The following RAP1GAP2 variants were observed in gnomAD, a reference collection of about 807,000 sequenced individuals.
RAP1GAP2 encodes the protein RAP1 GTPase activating protein 2, also known as rap1 GTPase-activating protein 2.
A neutral mutation model predicts 95.0 loss-of-function variants in RAP1GAP2; 27 were observed. The observed-to-expected ratio is 0.28, with a 90% CI of 0.21 to 0.39. The LOEUF (loss-of-function observed/expected upper bound fraction) is 0.39, where lower values mean the gene tolerates loss of function less well. Among genes scored for constraint, RAP1GAP2 ranks in the 10% least tolerant of loss-of-function variants. The probability of loss-of-function intolerance (pLI) is 1.00; values close to 1 mark genes in which losing one functional copy is unlikely to be tolerated. For synonymous variants in RAP1GAP2, 373 were observed against 380.9 expected, an observed-to-expected ratio of 0.98 and a Z score of 0.24; for missense variants, 771 against 970.0, an observed-to-expected ratio of 0.79 and a Z score of 2.72.
At position 3,034,255 on chromosome 17, in the gene RAP1GAP2, A is replaced by C. The variant is rs1413698822; in HGVS notation, c.*894A>C. Reference sequence around the variant, plus strand: ...CAGGAGTGAGAAGGAATTCAGGGAGAGCAAAGGAGCCAGTGCTGAGATGCT... The same window carrying C: ...CAGGAGTGAGAAGGAATTCAGGGAGCGCAAAGGAGCCAGTGCTGAGATGCT... On this transcript the variant is annotated 3_prime_UTR_variant, in exon 25 of 25. Coordinates refer to ENST00000254695, the MANE Select transcript of RAP1GAP2 (RefSeq NM_015085.5). The surrounding 1 kb of genome is among the most constrained non-coding windows in gnomAD (Gnocchi z 5.1). 1 of 159,348 alleles carries C rather than the reference A, an allele frequency of 6.3e-6. No homozygotes were observed. Among genetic ancestry groups the C allele is most frequent in the African/African-American group, 2.4e-5 (1 of 41,552 alleles). 9.9% of individuals were successfully genotyped at this position (159,348 alleles called of 1,614,324 possible).
intron 19 of RAP1GAP2, among the ~76,000 whole-genome samples, chr17:3,024,168 A>T (rs1049246889): frequency 6.6e-6 from 1 of 152,120 alleles, no homozygotes; most frequent in Non-Finnish European, 1.5e-5. Context: ...GGTGAAGCTG[A>T]CTGGGAAGGA....
At chr17:2,803,298 A>G (rs2069377303) in intron 2 of RAP1GAP2, among the ~76,000 whole-genome samples, 1 of 152,082 alleles carries the variant, frequency 6.6e-6, no homozygotes, top group Non-Finnish European at 1.5e-5. Context: ...TCGGAGTTTT[A>G]TTGGTTAAGA....
chr17:2,817,504 G>A (rs2070071329), intron 2 of RAP1GAP2, among the ~76,000 whole-genome samples: 1 of 118,794 alleles, frequency 8.4e-6, no homozygotes, highest in South Asian at 2.6e-4. Context: ...ATTGCTGATC[G>A]TATGGCAATT....
At chr17:2,788,796 T>C (rs1016227113) in intron 1 of RAP1GAP2, among the ~76,000 whole-genome samples, 2 of 152,132 alleles carry the variant, frequency 1.3e-5, no homozygotes, top group Admixed American at 6.5e-5. Flanking sequence ...TTCCTCCACA[T>C]TTTTCGTCTA....
intron 1 of RAP1GAP2, among the ~76,000 whole-genome samples, chr17:2,777,891 C>T (rs752717740): frequency 2.6e-5 from 4 of 152,004 alleles, no homozygotes; most frequent in Non-Finnish European, 5.9e-5. Context: ...GGCGCTTTGC[C>T]CTCCCCCTTC....
chr17:2,820,381 C>G (rs767278203), intron 2 of RAP1GAP2, among the ~76,000 whole-genome samples: 5 of 152,040 alleles, frequency 3.3e-5, no homozygotes, highest in East Asian at 3.9e-4. Context: ...AGCACTTTGG[C>G]AGGCCAAGGT....
rs2046214703 is a variant in RAP1GAP2 at position 3,003,014 on chromosome 17, C to T, written c.1201-2355C>T. The stretch of plus-strand genomic sequence containing the variant: ...AGGCCACTGGGCGACAGTGGTTACC[C>T]CTTACCAGCTGCTTGCTCATGCCAG... On this transcript the variant is annotated intron_variant, in intron 14 of 24. Transcript: ENST00000254695. The surrounding 1 kb of genome is among the most constrained non-coding windows in gnomAD (Gnocchi z 4.1). Among the ~76,000 whole-genome samples, 1 of 152,148 alleles carries T rather than the reference C, an allele frequency of 6.6e-6. No homozygotes were observed. The highest frequency in any genetic ancestry group is 2.1e-4 in the South Asian group (1 of 4,836).
At chr17:2,814,051 G>C (rs79794338) in intron 2 of RAP1GAP2, among the ~76,000 whole-genome samples, 1 of 152,120 alleles carries the variant, frequency 6.6e-6, no homozygotes, top group Non-Finnish European at 1.5e-5. Flanking sequence ...CCCCGACTCC[G>C]TTGAAAACTA....
chr17:3,031,833 G>T (rs1199282244), intron 23 of RAP1GAP2, among the ~76,000 whole-genome samples: 4 of 146,672 alleles, frequency 2.7e-5, no homozygotes, highest in Non-Finnish European at 5.9e-5. Flanking sequence ...GTCCCTTCCT[G>T]AGCTCTCCAG....
At chr17:2,773,152 A>G (rs2068431184), upstream of RAP1GAP2, among the ~76,000 whole-genome samples, 3 of 152,164 alleles carry the variant, frequency 2.0e-5, no homozygotes, top group Admixed American at 1.3e-4. Context: ...TACAAAGAGC[A>G]AGAAGGTGGT....
At chr17:2,814,154 C>T (rs900084958) in intron 2 of RAP1GAP2, among the ~76,000 whole-genome samples, 26 of 152,258 alleles carry the variant, frequency 1.7e-4, no homozygotes, top group Admixed American at 1.7e-3. Flanking sequence ...CCCCAGCTTA[C>T]TGATTGATTT....
At chr17:2,768,167 A>G (rs1223824939) in intron 1 of RAP1GAP2, among the ~76,000 whole-genome samples, 1 of 152,218 alleles carries the variant, frequency 6.6e-6, no homozygotes, top group Non-Finnish European at 1.5e-5. Flanking sequence ...ATCCCTAGGT[A>G]AATTCCCCAA....
rs1034596630 is a variant in RAP1GAP2, at chr17:3,008,552, G to T, written c.1494+407G>T. 6.6e-6 allele frequency among the ~76,000 whole-genome samples: 1 copy of T among 152,212 alleles called. No individual in the cohort carries two copies. Among genetic ancestry groups the T allele is most frequent in the Admixed American group, 6.5e-5 (1 of 15,284 alleles). On this transcript the variant is annotated intron_variant, in intron 17 of 24. Coordinates refer to ENST00000254695, the MANE Select transcript of RAP1GAP2 (RefSeq NM_015085.5). This position sits in a 1 kb window ranked among gnomAD's most constrained non-coding sequence, Gnocchi z 4.2. ...ACAGCCCTTACGGGTCTTCGTAGCT[G>T]CTGTGGGTGCCACAGTGATTCTTCC... is the stretch of plus-strand genomic sequence containing the variant.
intron 3 of RAP1GAP2, among the ~76,000 whole-genome samples, chr17:2,915,082 G>T (rs117227071): frequency 2.0e-5 from 3 of 151,922 alleles, no homozygotes; most frequent in Admixed American, 6.6e-5. Context: ...GAGCCACTGC[G>T]TCCGGCCTTC....
chr17:2,875,545 G>A (rs1366487908), intron 2 of RAP1GAP2, among the ~76,000 whole-genome samples: 40 of 152,198 alleles, frequency 2.6e-4, no homozygotes, highest in Admixed American at 2.6e-3. Flanking sequence ...CATGTAGCAA[G>A]TGGCTTCAAG....
At chr17:2,819,599 G>C (rs2070192153) in intron 2 of RAP1GAP2, among the ~76,000 whole-genome samples, 1 of 151,600 alleles carries the variant, frequency 6.6e-6, no homozygotes, top group Non-Finnish European at 1.5e-5. Flanking sequence ...TCAGCCTCCT[G>C]GGTAGCTGGG....
chr17:2,779,801 G>T lies in RAP1GAP2; in HGVS notation c.-14+2523G>T, dbSNP rs991332258. Among the ~76,000 whole-genome samples, 9 of 58,610 alleles carry T rather than the reference G, an allele frequency of 1.5e-4. 1 individual carries two copies. In the South Asian group the frequency reaches 1.9e-3, roughly 12 times the overall value. 38.5% of individuals were successfully genotyped at this position (58,610 alleles called of 152,430 possible). A position where few individuals can be genotyped will look rare whatever the true frequency, so the allele number is the denominator to read the frequency against. On this transcript the variant is annotated intron_variant, in intron 1 of 24. Transcript: ENST00000540393. The stretch of plus-strand genomic sequence containing the variant: ...GGGGGAGGACAAGGCAGGGGGCTGG[G>T]GGGGGGCAGGAAAGGAAGGTGAGCG...
At chr17:2,995,568 C>A in intron 13 of RAP1GAP2, 102 bp downstream of exon 13, 1 of 1,474,148 alleles carries the variant, frequency 6.8e-7, no homozygotes, top group Non-Finnish European at 9.2e-7. Context: ...CATATTCGTT[C>A]CCGTAGCCGG....
At chr17:2,796,415 TG>T, upstream of RAP1GAP2, 2 of 1,221,414 alleles carry the variant, frequency 1.6e-6, no homozygotes, top group Non-Finnish European at 2.3e-6. This position sits in a 1 kb window ranked among gnomAD's most constrained non-coding sequence, Gnocchi z 4.7. Flanking sequence ...GGTGCCACGC[TG>T]GGCTCCCCGC....
Sources: gnomAD v4.1 joint callset for allele counts (sites outside exome capture counted in the v4.1 genomes callset) on GRCh38, gnomAD v4.1.1 for gene constraint, Gnocchi (gnomAD v3.1) non-coding constraint, MANE v1.5 for transcripts, NCBI Gene and HGNC (gene_info 2026-07-23, HGNC 2026-07-21) for gene names.